Variants in MKLN1 observed in about 807,000 individuals in gnomAD.
MKLN1 encodes muskelin 1.
A neutral mutation model predicts 99.0 loss-of-function variants in MKLN1; 18 were observed. The ratio of observed to expected loss-of-function variants is 0.18; its 90% CI spans 0.13 to 0.27. The LOEUF is 0.27. Ranked by LOEUF, MKLN1 falls within the 10% of genes least tolerant of loss-of-function variation. The pLI is 1.00. For synonymous variants in MKLN1, 288 were observed against 293.2 expected, an observed-to-expected ratio of 0.98 and a Z score of 0.18; for missense variants, 621 against 875.9, an observed-to-expected ratio of 0.71 and a Z score of 3.67.
chr7:131,314,834 T>A (rs1646982466), intron 3 of MKLN1, among the ~76,000 whole-genome samples: 1 of 151,752 alleles, frequency 6.6e-6, no homozygotes, highest in African/African-American at 2.4e-5. Context: ...CGGTGTGACA[T>A]GATTACAGTT....
At chr7:131,482,186 A>G (rs900526615) in intron 17 of MKLN1, among the ~76,000 whole-genome samples, 2 of 150,660 alleles carry the variant, frequency 1.3e-5, no homozygotes, top group Admixed American at 6.6e-5. Context: ...CATGTTGCCT[A>G]TTTATTTATT....
chr7:131,402,021 G>T (rs1794560924), intron 6 of MKLN1, among the ~76,000 whole-genome samples: 1 of 152,132 alleles, frequency 6.6e-6, no homozygotes, highest in Non-Finnish European at 1.5e-5. Flanking sequence ...AATGAAATTT[G>T]CTGCATCAAT....
At chr7:131,188,384 G>C (rs1048727939) in intron 2 of MKLN1, among the ~76,000 whole-genome samples, 1 of 152,206 alleles carries the variant, frequency 6.6e-6, no homozygotes, top group Admixed American at 6.5e-5. Context: ...GCTGATCTGG[G>C]CTGGGCCCAG....
At chr7:131,167,780 C>T (rs1047159179) in intron 2 of MKLN1, among the ~76,000 whole-genome samples, 1 of 151,570 alleles carries the variant, frequency 6.6e-6, no homozygotes, top group African/African-American at 2.4e-5. Flanking sequence ...TAACAATATA[C>T]AGAGATAGTT....
At chr7:131,377,864 A>T (rs765667487) in intron 2 of MKLN1, among the ~76,000 whole-genome samples, 1 of 152,172 alleles carries the variant, frequency 6.6e-6, no homozygotes, top group Non-Finnish European at 1.5e-5. Flanking sequence ...GATAAGTCCT[A>T]TAGTAGAAGT....
chr7:131,467,654 G>C (rs751144801), intron 15 of MKLN1, among the ~76,000 whole-genome samples: 1 of 152,140 alleles, frequency 6.6e-6, no homozygotes, highest in African/African-American at 2.4e-5. Flanking sequence ...GTTGATTGTG[G>C]TAGGAAATGA....
chr7:131,132,157 T>C (rs1795561350), intron 1 of MKLN1, among the ~76,000 whole-genome samples: 1 of 152,220 alleles, frequency 6.6e-6, no homozygotes, highest in Non-Finnish European at 1.5e-5. Context: ...AGACATAGTA[T>C]ATCAACATTT....
At chr7:131,297,506 C>T (rs1197576779) in intron 3 of MKLN1, among the ~76,000 whole-genome samples, 1 of 151,538 alleles carries the variant, frequency 6.6e-6, no homozygotes, top group Non-Finnish European at 1.5e-5. Flanking sequence ...TGTATCTGCC[C>T]GTTCTGTACG....
chr7:131,401,415 T>G (rs998364342), intron 6 of MKLN1, among the ~76,000 whole-genome samples: 5 of 152,206 alleles, frequency 3.3e-5, no homozygotes, highest in African/African-American at 1.2e-4. Context: ...TACTCAGACA[T>G]GTAGAGATTG....
intron 2 of MKLN1, among the ~76,000 whole-genome samples, chr7:131,187,416 G>A (rs564828162): frequency 6.1e-4 from 93 of 151,422 alleles, no homozygotes; most frequent in African/African-American, 2.2e-3. Context: ...GTAACGTATT[G>A]CTCTAGAGCA....
intron 17 of MKLN1, among the ~76,000 whole-genome samples, chr7:131,484,918 C>A (rs1433493339): frequency 2.0e-5 from 3 of 151,606 alleles, no homozygotes; most frequent in Non-Finnish European, 2.9e-5. Context: ...AAGGAAGAAT[C>A]CTCTGGGGCT....
chr7:131,227,005 T>A (rs926984211), intron 3 of MKLN1, among the ~76,000 whole-genome samples: 4 of 152,234 alleles, frequency 2.6e-5, no homozygotes, highest in African/African-American at 7.2e-5. Context: ...CACTCAAAAA[T>A]CTTCCAGAAT....
chr7:131,364,764 A>G (rs931293240), intron 1 of MKLN1, among the ~76,000 whole-genome samples: 11 of 152,156 alleles, frequency 7.2e-5, no homozygotes, highest in Non-Finnish European at 1.2e-4. Context: ...AGATGCATCC[A>G]TGTTCCCACA....
At chr7:131,443,420 G>GTT (rs1795901655) in intron 10 of MKLN1, 61 bp from the exon 11 acceptor site, 1 of 1,283,676 alleles carries the variant, frequency 7.8e-7, no homozygotes, top group Non-Finnish European at 1.1e-6. Context: ...TGTTGGTTTT[G>GTT]TTTTAGCACA....
At chr7:131,382,461 T>C (rs1793882569) in intron 2 of MKLN1, among the ~76,000 whole-genome samples, 1 of 152,246 alleles carries the variant, frequency 6.6e-6, no homozygotes, top group African/African-American at 2.4e-5. Context: ...TGTATGCTTG[T>C]TGCCTTCTTG....
At chr7:131,403,106 A>G (rs756534045) in intron 6 of MKLN1, among the ~76,000 whole-genome samples, 1 of 152,214 alleles carries the variant, frequency 6.6e-6, no homozygotes, top group African/African-American at 2.4e-5. Flanking sequence ...TTTTGTCTAC[A>G]TTGAAAATCT....
At chr7:131,460,403 A>G (rs752724727) in intron 12 of MKLN1, among the ~76,000 whole-genome samples, 1 of 152,226 alleles carries the variant, frequency 6.6e-6, no homozygotes, top group Non-Finnish European at 1.5e-5. Context: ...CTCATAAATG[A>G]GACACTGATC....
At chr7:131,293,325 A>G (rs1227300758) in intron 3 of MKLN1, among the ~76,000 whole-genome samples, 1 of 152,222 alleles carries the variant, frequency 6.6e-6, no homozygotes, top group Non-Finnish European at 1.5e-5. Context: ...CAGCAGAACT[A>G]CCTAGCCAAT....
chr7:131,169,034 A>ATT (rs1406485073), intron 2 of MKLN1, among the ~76,000 whole-genome samples: 1 of 152,050 alleles, frequency 6.6e-6, no homozygotes, highest in African/African-American at 2.4e-5. Flanking sequence ...CGCCTGGCTA[A>ATT]TATTTGTATT....
Sources: allele counts gnomAD v4.1 joint callset (sites outside exome capture counted in the v4.1 genomes callset), GRCh38; gene constraint gnomAD v4.1.1; transcripts MANE v1.5; gene names NCBI Gene and HGNC (gene_info 2026-07-23, HGNC 2026-07-21).